Variants in TMEM132C observed in about 807,000 individuals in gnomAD.
The protein encoded by TMEM132C is protein phosphatase 1, regulatory subunit 152.
Under a neutral mutation model 61.4 loss-of-function variants are expected in TMEM132C, and 29 were observed. That is an observed-to-expected ratio of 0.47 (90% CI 0.35 to 0.64). The LOEUF (loss-of-function observed/expected upper bound fraction) is 0.64. Among genes scored for constraint, TMEM132C ranks in the 30% least tolerant of loss-of-function variants. TMEM132C has a pLI of 0.00. For synonymous variants in TMEM132C, 656 were observed against 633.1 expected (o/e 1.04, Z -0.54); for missense variants, 1,408 against 1,476.9 (o/e 0.95, Z 0.76).
intron 3 of TMEM132C, among the ~76,000 whole-genome samples, chr12:128,605,134 G>C (rs930463079): frequency 3.5e-5 from 5 of 144,312 alleles, no homozygotes; most frequent in Admixed American, 7.2e-5. Context: ...TAGATAGATA[G>C]ATACATAGAT....
At chr12:128,534,762 G>A (rs570439042) in intron 2 of TMEM132C, among the ~76,000 whole-genome samples, 5 of 152,270 alleles carry the variant, frequency 3.3e-5, no homozygotes, top group East Asian at 1.9e-4. Context: ...TGCTCTTATC[G>A]AAGAAAATGC....
chr12:128,646,786 C>G (rs1954203979), intron 4 of TMEM132C, among the ~76,000 whole-genome samples: 1 of 150,878 alleles, frequency 6.6e-6, no homozygotes, highest in African/African-American at 2.4e-5. Context: ...TTACCAGAGT[C>G]CATCAGCATT....
intron 3 of TMEM132C, among the ~76,000 whole-genome samples, chr12:128,591,984 G>A (rs984161938): frequency 5.3e-5 from 8 of 150,746 alleles, no homozygotes; most frequent in South Asian, 2.1e-4. Context: ...CCCGAGAGGC[G>A]GATGTTGCAG....
chr12:128,497,284 C>A (rs1245518403), intron 2 of TMEM132C, among the ~76,000 whole-genome samples: 1 of 152,196 alleles, frequency 6.6e-6, no homozygotes, highest in African/African-American at 2.4e-5. Flanking sequence ...GGTCAGGGAC[C>A]CACTTGAGGA....
At chr12:128,611,898 G>A (rs551095636) in intron 3 of TMEM132C, among the ~76,000 whole-genome samples, 11 of 152,314 alleles carry the variant, frequency 7.2e-5, no homozygotes, top group African/African-American at 2.6e-4. Context: ...CGGAACCAGC[G>A]ACACCAAATC....
intron 2 of TMEM132C, among the ~76,000 whole-genome samples, chr12:128,462,031 G>T (rs139563076): frequency 6.6e-6 from 1 of 152,316 alleles, no homozygotes; most frequent in Non-Finnish European, 1.5e-5. Flanking sequence ...TCTTCACTGT[G>T]AAATCCAGCC....
chr12:128,511,060 T>G (rs1423675948), intron 2 of TMEM132C, among the ~76,000 whole-genome samples: 1 of 152,186 alleles, frequency 6.6e-6, no homozygotes, highest in Non-Finnish European at 1.5e-5. Flanking sequence ...GGGTGCACCA[T>G]GGAAAGAGCA....
intron 3 of TMEM132C, among the ~76,000 whole-genome samples, chr12:128,612,957 T>A (rs900825394): frequency 3.9e-5 from 6 of 152,088 alleles, no homozygotes; most frequent in African/African-American, 1.4e-4. Flanking sequence ...AATGGGAATG[T>A]CATTATTTCA....
intron 3 of TMEM132C, among the ~76,000 whole-genome samples, chr12:128,578,947 C>T (rs956454826): frequency 6.6e-6 from 1 of 152,020 alleles, no homozygotes; most frequent in Non-Finnish European, 1.5e-5. Context: ...TTTGGGAGAT[C>T]GTAAAAACAT....
chr12:128,337,246 C>T (rs924639903), intron 1 of TMEM132C, among the ~76,000 whole-genome samples: 1 of 151,814 alleles, frequency 6.6e-6, no homozygotes, highest in East Asian at 1.9e-4. Context: ...ATTATAGTGT[C>T]TGGCTTATTA....
chr12:128,557,462 T>C (rs1230324625), intron 3 of TMEM132C, among the ~76,000 whole-genome samples: 1 of 152,230 alleles, frequency 6.6e-6, no homozygotes, highest in Non-Finnish European at 1.5e-5. Flanking sequence ...CTCTGGCCTC[T>C]GACATAAAGC....
At position 128,595,967 on chromosome 12, in the gene TMEM132C, G is replaced by A. The variant is rs12298324; in HGVS notation, c.1122-20185G>A. On this transcript the variant is annotated intron_variant, in intron 3 of 8. Transcript: ENST00000435159. ...CCATGCCGTTAAGTCAGGTGGATGC[G>A]GGGAAGCTCTGCAGTGAGAACATCC... Among the ~76,000 whole-genome samples, 94 of 152,350 alleles carry A rather than the reference G, an allele frequency of 6.2e-4. No homozygotes were observed. In the East Asian group the frequency reaches 6.6e-3, roughly 11 times the overall value.
intron 5 of TMEM132C, among the ~76,000 whole-genome samples, chr12:128,684,950 G>T (rs890851416): frequency 1.3e-5 from 2 of 152,162 alleles, no homozygotes; most frequent in Admixed American, 1.3e-4. Flanking sequence ...ATGTTCTCTG[G>T]GGTGAGAACA....
chr12:128,379,933 A>T (rs1464740385), intron 1 of TMEM132C, among the ~76,000 whole-genome samples: 1 of 152,186 alleles, frequency 6.6e-6, no homozygotes, highest in African/African-American at 2.4e-5. Flanking sequence ...TGAGCTGGGG[A>T]TAGTCCGTGA....
chr12:128,344,925 C>CTTTTTTTTTTTTTTTTTTTTT (rs1405355819), intron 1 of TMEM132C, among the ~76,000 whole-genome samples: 1 of 135,078 alleles, frequency 7.4e-6, no homozygotes, highest in African/African-American at 2.7e-5. Context: ...AGATGAGTTT[C>CTTTTTTTTTTTTTTTTTTTTT]TTTTTTTTTT....
chr12:128,488,451 G>A (rs1235910834), intron 2 of TMEM132C, among the ~76,000 whole-genome samples: 1 of 152,006 alleles, frequency 6.6e-6, no homozygotes, highest in African/African-American at 2.4e-5. Flanking sequence ...ACCTGAGGTC[G>A]GGAGTTCAAG....
At chr12:128,397,878 G>A (rs1439954496) in intron 1 of TMEM132C, among the ~76,000 whole-genome samples, 3 of 152,080 alleles carry the variant, frequency 2.0e-5, no homozygotes, top group African/African-American at 2.4e-5. Flanking sequence ...AGCCTCCCAC[G>A]AGTTTGATAA....
chr12:128,541,527 G>A (rs564823785), intron 2 of TMEM132C, among the ~76,000 whole-genome samples: 19 of 152,232 alleles, frequency 1.2e-4, no homozygotes, highest in Non-Finnish European at 1.9e-4. Flanking sequence ...CCTCCTTAGT[G>A]CACAAGAAGA....
At chr12:128,434,665 T>C (rs1198269839) in intron 2 of TMEM132C, among the ~76,000 whole-genome samples, 1 of 151,496 alleles carries the variant, frequency 6.6e-6, no homozygotes, top group African/African-American at 2.4e-5. Flanking sequence ...TGCAGTGGCA[T>C]GATCTCGGCT....
Sources: allele counts gnomAD v4.1 joint callset (sites outside exome capture counted in the v4.1 genomes callset), GRCh38; gene constraint gnomAD v4.1.1; transcripts MANE v1.5; gene names NCBI Gene and HGNC (gene_info 2026-07-23, HGNC 2026-07-21).